TAS2R1: variants seen among roughly 807,000 people sequenced by gnomAD.
TAS2R1 encodes the protein taste receptor type 2 member 1.
For missense variants in TAS2R1, 370 were observed against 353.4 expected (o/e 1.05, Z -0.38); for synonymous variants, 141 against 134.2 (o/e 1.05, Z -0.35).
At chr5:9,811,714 A>C in the TAS2R1 span, among the ~76,000 whole-genome samples, 6 of 152,264 alleles carry the variant, frequency 3.9e-5, no homozygotes, top group South Asian at 1.2e-3. Context: ...AAATTGATAC[A>C]TTCAGGCCAA....
At position 9,702,128 on chromosome 5, in the gene TAS2R1, A is replaced by T. The variant is rs374425319; in HGVS notation, c.-242+10044T>A. The stretch of plus-strand genomic sequence containing the variant: ...AGGCTCTATTCTTCTTGTTTCCCTT[A>T]AACCTTGGAATACTCTTCCAAATAA... On this transcript the variant is annotated intron_variant, in intron 1 of 2. Transcript: ENST00000506620. 9.1e-4 allele frequency among the ~76,000 whole-genome samples: 139 copies of T among 152,326 alleles called. 1 individual carries two copies. Among genetic ancestry groups the T allele is most frequent in the African/African-American group, 2.6e-3 (107 of 41,576 alleles).
the TAS2R1 span, among the ~76,000 whole-genome samples, chr5:9,811,233 C>T: frequency 6.6e-6 from 1 of 152,174 alleles, no homozygotes; most frequent in Non-Finnish European, 1.5e-5. Flanking sequence ...AACTGGTCCT[C>T]ACCAGACACT....
the TAS2R1 span, among the ~76,000 whole-genome samples, chr5:9,749,152 A>C: frequency 1.3e-5 from 2 of 152,158 alleles, no homozygotes; most frequent in Non-Finnish European, 2.9e-5. Context: ...TACTCAGAAG[A>C]CTCTAATAGG....
the TAS2R1 span, among the ~76,000 whole-genome samples, chr5:9,799,779 T>A: frequency 2.0e-5 from 3 of 152,188 alleles, no homozygotes; most frequent in Admixed American, 2.0e-4. Context: ...AAGTGCTAAA[T>A]CCTGAGGGCT....
intron 1 of TAS2R1, among the ~76,000 whole-genome samples, chr5:9,673,599 A>T (rs1740812431): frequency 6.6e-6 from 1 of 151,606 alleles, no homozygotes; most frequent in Non-Finnish European, 1.5e-5. Context: ...AGAGATTTTT[A>T]AAATTATATA....
chr5:9,654,479 A>G (rs1740370383), intron 2 of TAS2R1, among the ~76,000 whole-genome samples: 1 of 152,238 alleles, frequency 6.6e-6, no homozygotes, highest in Non-Finnish European at 1.5e-5. Flanking sequence ...TGGAACAAAA[A>G]AAAAGAATAA....
At chr5:9,723,565 T>A in the TAS2R1 span, among the ~76,000 whole-genome samples, 27 of 152,280 alleles carry the variant, frequency 1.8e-4, no homozygotes, top group South Asian at 5.6e-3. Flanking sequence ...TTAGGATCAC[T>A]CCCAGGTGTG....
At chr5:9,871,580 T>TGG in the TAS2R1 span, among the ~76,000 whole-genome samples, 42 of 152,230 alleles carry the variant, frequency 2.8e-4, no homozygotes, top group East Asian at 7.5e-3. Context: ...CACACTCGGA[T>TGG]GGGGGAAGCC....
chr5:9,754,599 C>T, the TAS2R1 span, among the ~76,000 whole-genome samples: 3 of 152,258 alleles, frequency 2.0e-5, no homozygotes, highest in African/African-American at 4.8e-5. Flanking sequence ...CATTCTTATA[C>T]ATCAATAACA....
the TAS2R1 span, among the ~76,000 whole-genome samples, chr5:9,901,598 C>T: frequency 6.6e-6 from 1 of 152,008 alleles, no homozygotes; most frequent in African/African-American, 2.4e-5. Context: ...AGGAAGTGTA[C>T]ATCATAAGCA....
At chr5:9,692,990 C>G (rs1441667672) in intron 1 of TAS2R1, among the ~76,000 whole-genome samples, 2 of 152,062 alleles carry the variant, frequency 1.3e-5, no homozygotes, top group East Asian at 1.9e-4. Flanking sequence ...TCCTGCTCCT[C>G]TCCTCTCCCA....
At chr5:9,843,293 A>T in the TAS2R1 span, among the ~76,000 whole-genome samples, 12 of 152,322 alleles carry the variant, frequency 7.9e-5, no homozygotes, top group Admixed American at 7.8e-4. Flanking sequence ...ATTTTGTGGA[A>T]AAGTCTTTGG....
the TAS2R1 span, among the ~76,000 whole-genome samples, chr5:9,774,124 G>A: frequency 6.6e-6 from 1 of 152,048 alleles, no homozygotes; most frequent in Admixed American, 6.5e-5. Context: ...GCTTTCTTTT[G>A]TCTTCTCTGA....
rs556405321 is a variant in TAS2R1 at position 9,636,818 on chromosome 5, G to A, written c.-80-6826C>T. 6.6e-4 allele frequency among the ~76,000 whole-genome samples: 100 copies of A among 151,998 alleles called. 1 individual carries two copies. The highest frequency in any genetic ancestry group is 1.4e-3 in the African/African-American group (59 of 41,480). On this transcript the variant is annotated intron_variant, in intron 2 of 2. Transcript: ENST00000506620. The stretch of plus-strand genomic sequence containing the variant: ...CCCTTTACCTTAAGTGAGTTCTTAC[G>A]GGCTGGGTGAGTCTCTTGAAGATAG...
At chr5:9,839,524 C>T in the TAS2R1 span, among the ~76,000 whole-genome samples, 1 of 152,154 alleles carries the variant, frequency 6.6e-6, no homozygotes, top group Non-Finnish European at 1.5e-5. Flanking sequence ...ACTATCACAA[C>T]ACTCTTGACA....
intron 2 of TAS2R1, among the ~76,000 whole-genome samples, chr5:9,640,497 TAAA>T (rs56140715): frequency 4.4e-4 from 26 of 59,028 alleles, no homozygotes; most frequent in South Asian, 6.6e-4. Flanking sequence ...TTCAATTCCT[TAAA>T]AAAAAAAAAA....
chr5:9,897,039 G>C, the TAS2R1 span, among the ~76,000 whole-genome samples: 7 of 152,108 alleles, frequency 4.6e-5, no homozygotes, highest in Non-Finnish European at 1.0e-4. Context: ...TAATTTCTAG[G>C]GCACCAGGAA....
intron 1 of TAS2R1, among the ~76,000 whole-genome samples, chr5:9,705,967 T>G (rs766320074): frequency 1.3e-5 from 2 of 152,206 alleles, no homozygotes; most frequent in Non-Finnish European, 2.9e-5. Context: ...GTGAGGTTCC[T>G]CTACAAAGAC....
chr5:9,811,322 A>T, the TAS2R1 span, among the ~76,000 whole-genome samples: 1 of 152,284 alleles, frequency 6.6e-6, no homozygotes, highest in African/African-American at 2.4e-5. Flanking sequence ...TATAAACCAC[A>T]CAGTCTACGA....
Sources: gnomAD v4.1 joint callset for allele counts (sites outside exome capture counted in the v4.1 genomes callset) on GRCh38, gnomAD v4.1.1 for gene constraint, MANE v1.5 for transcripts, NCBI Gene and HGNC (gene_info 2026-07-23, HGNC 2026-07-21) for gene names.